The following CLPB variants were observed in gnomAD, a reference collection of about 807,000 sequenced individuals.
CLPB encodes mitochondrial disaggregase.
CLPB carries 40 observed loss-of-function variants against 78.4 expected under a neutral mutation model. The ratio of observed to expected loss-of-function variants is 0.51; its 90% CI spans 0.40 to 0.66. The LOEUF (loss-of-function observed/expected upper bound fraction) is 0.66. Ranked by LOEUF, CLPB falls within the 30% of genes least tolerant of loss-of-function variation. The pLI is 0.00. For missense variants in CLPB, 780 were observed against 886.9 expected (o/e 0.88, Z 1.53); for synonymous variants, 333 against 348.0 (o/e 0.96, Z 0.48).
In CLPB at chr11:72,336,818, AGAGT is replaced by A. The variant is rs5792584; in HGVS notation, c.776-7018_776-7015del. On this transcript the variant is annotated intron_variant, in intron 5 of 15. Coordinates refer to ENST00000538039, the MANE Select transcript of CLPB (RefSeq NM_001258392.3). ...CCCCATCAAGGAAACATTGAGAGAG[AGAGT>A]GGCAGGATGACCACATATGAGCAGC... 8.9e-3 allele frequency: 3,098 copies of A among 346,838 alleles called. 61 individuals carry two copies. The highest frequency in any genetic ancestry group is 0.056 in the East Asian group (1,315 of 23,440). The allele number at this position is 346,838 out of a possible 1,614,324, so 21.5% of individuals were successfully genotyped here.
At chr11:72,302,398 A>C (rs757623358) in intron 9 of CLPB, 50 bp from the exon 10 acceptor site, 1 of 1,559,452 alleles carries the variant, frequency 6.4e-7, no homozygotes, top group Non-Finnish European at 8.8e-7. Context: ...AGGAAAGTGA[A>C]GAGAAGGGTT....
In CLPB at chr11:72,293,355, G is replaced by A; in HGVS notation, c.*12C>T. 6 of 1,611,422 alleles carry A rather than the reference G, an allele frequency of 3.7e-6. No individual in the cohort carries two copies. The highest frequency in any genetic ancestry group is 5.1e-6 in the Non-Finnish European group (6 of 1,177,928). On this transcript the variant is annotated 3_prime_UTR_variant, in exon 16 of 16. Transcript: ENST00000538039. ...TGGATGGTGAGGGCACATAGGAGCA[G>A]GCAGGTGGCTGCTAGATGGTGTTGC... is the stretch of plus-strand genomic sequence containing the variant.
At chr11:72,315,542 G>A (rs2135524886) in intron 7 of CLPB, among the ~76,000 whole-genome samples, 1 of 152,330 alleles carries the variant, frequency 6.6e-6, no homozygotes, top group Middle Eastern at 3.4e-3. Flanking sequence ...TGGTAACTGT[G>A]CGCCAGCCTT....
chr11:72,339,733 G>A (rs1950385341), intron 5 of CLPB, among the ~76,000 whole-genome samples: 1 of 152,198 alleles, frequency 6.6e-6, no homozygotes, highest in Non-Finnish European at 1.5e-5. Flanking sequence ...ATCCAGTTGA[G>A]GGGAGATGGA....
At chr11:72,295,902 A>G (rs1288382695) in intron 11 of CLPB, among the ~76,000 whole-genome samples, 1 of 152,224 alleles carries the variant, frequency 6.6e-6, no homozygotes, top group African/African-American at 2.4e-5. Context: ...GCTCTCTGGC[A>G]TCTCTTGGGG....
chr11:72,308,623 G>C lies in CLPB; in HGVS notation c.989-19C>G. 6.2e-7 allele frequency: 1 copy of C among 1,608,514 alleles called. No homozygotes were observed. On this transcript the variant is annotated intron_variant, in intron 7 of 15. Coordinates refer to ENST00000538039, the MANE Select transcript of CLPB (RefSeq NM_001258392.3). ...CGGATCGCTACGGCCAAACACACAA[G>C]ATCAGGGGACAGGGAGGGAGGCAGA... is the stretch of plus-strand genomic sequence containing the variant.
intron 2 of CLPB, among the ~76,000 whole-genome samples, chr11:72,403,944 T>C (rs191615256): frequency 1.1e-3 from 166 of 152,320 alleles, no homozygotes; most frequent in South Asian, 3.7e-3. Context: ...CATGATTCCA[T>C]GTACTCTCAA....
intron 5 of CLPB, among the ~76,000 whole-genome samples, chr11:72,348,170 T>TTAGG (rs1436469430): frequency 6.6e-6 from 1 of 152,142 alleles, no homozygotes; most frequent in African/African-American, 2.4e-5. Flanking sequence ...ATAAGAAGAG[T>TTAGG]TAGGTGGTTG....
chr11:72,366,894 A>G (rs901905397), intron 4 of CLPB, among the ~76,000 whole-genome samples: 5 of 152,278 alleles, frequency 3.3e-5, no homozygotes, highest in Admixed American at 6.5e-5. Context: ...AAAGAAAACA[A>G]ATCGTTCTAC....
intron 4 of CLPB, among the ~76,000 whole-genome samples, chr11:72,379,783 G>A (rs562974725): frequency 6.6e-6 from 1 of 152,286 alleles, no homozygotes; most frequent in African/African-American, 2.4e-5. Flanking sequence ...ACATTTAGGA[G>A]GGGGAAAAGC....
intron 7 of CLPB, among the ~76,000 whole-genome samples, chr11:72,314,084 C>T (rs1442827313): frequency 3.3e-5 from 5 of 152,112 alleles, no homozygotes; most frequent in Admixed American, 3.3e-4. Flanking sequence ...TGTTTTTGGG[C>T]TGGTCAAAGA....
intron 5 of CLPB, among the ~76,000 whole-genome samples, chr11:72,357,898 C>A (rs745450133): frequency 1.3e-5 from 2 of 152,002 alleles, no homozygotes; most frequent in African/African-American, 4.8e-5. Context: ...ATGATCCCAA[C>A]AAGGAAGACC....
rs374645239 is a variant in CLPB at position 72,417,143 on chromosome 11, A to C, written c.455+13169T>G. On this transcript the variant is annotated intron_variant, in intron 2 of 15. Coordinates refer to ENST00000538039, the MANE Select transcript of CLPB (RefSeq NM_001258392.3). ...ACGAATGTTCACAGCAGCATTATTC[A>C]TAATAGCTAAAAAGTGGAAACACAA... 3.2e-4 allele frequency among the ~76,000 whole-genome samples: 48 copies of C among 152,376 alleles called. No homozygotes were observed. In the East Asian group the frequency reaches 4.8e-3, roughly 15 times the overall value.
In CLPB at chr11:72,293,025, C is replaced by A; in HGVS notation, c.*342G>T. 4.4e-6 allele frequency: 1 copy of A among 225,226 alleles called. No homozygotes were observed. Among genetic ancestry groups the A allele is most frequent in the African/African-American group, 2.2e-5 (1 of 45,068 alleles). The allele number at this position is 225,226 out of a possible 1,614,324, so 14.0% of individuals were successfully genotyped here. ...CTTAGCTGCCATACTTCTGAGCTTC[C>A]TGGGAACATGAGAAAGTCTGGCGAC... is the stretch of plus-strand genomic sequence containing the variant. On this transcript the variant is annotated 3_prime_UTR_variant, in exon 16 of 16. Coordinates refer to ENST00000538039, the MANE Select transcript of CLPB (RefSeq NM_001258392.3).
intron 5 of CLPB, chr11:72,337,141 G>A: frequency 2.5e-6 from 1 of 398,702 alleles, no homozygotes; most frequent in Non-Finnish European, 4.4e-6. Context: ...AGGTGAGAGA[G>A]AAGAGACTTG....
At chr11:72,403,173 AAAC>A in intron 2 of CLPB, 121 bp from the exon 3 acceptor site, 1 of 928,878 alleles carries the variant, frequency 1.1e-6, no homozygotes, top group East Asian at 2.4e-5. Context: ...GTAAAAGTAG[AAAC>A]AACCATAGAA....
chr11:72,392,151 C>T (rs979385653), intron 3 of CLPB, among the ~76,000 whole-genome samples: 3 of 152,068 alleles, frequency 2.0e-5, no homozygotes, highest in Non-Finnish European at 4.4e-5. Flanking sequence ...GTCATCCCTA[C>T]ACAATGTTGA....
At chr11:72,360,664 C>T (rs1347513964) in intron 4 of CLPB, among the ~76,000 whole-genome samples, 1 of 151,876 alleles carries the variant, frequency 6.6e-6, no homozygotes, top group Non-Finnish European at 1.5e-5. Context: ...CTCAAACTCC[C>T]GACCTCAGGT....
chr11:72,372,789 C>A, intron 4 of CLPB: 1 of 745,460 alleles, frequency 1.3e-6, no homozygotes, highest in African/African-American at 1.7e-5. Context: ...ATTCTCTCTG[C>A]TATGCTTGGG....
Sources: gnomAD v4.1 joint callset for allele counts (sites outside exome capture counted in the v4.1 genomes callset) on GRCh38, gnomAD v4.1.1 for gene constraint, MANE v1.5 for transcripts, NCBI Gene and HGNC (gene_info 2026-07-23, HGNC 2026-07-21) for gene names.